KIF18A: variants seen among roughly 807,000 people sequenced by gnomAD.
KIF18A encodes kinesin-like protein KIF18A.
A neutral mutation model predicts 103.3 loss-of-function variants in KIF18A; 67 were observed. The observed-to-expected ratio is 0.65, with a 90% CI of 0.53 to 0.79. The LOEUF is 0.79. Among genes scored for constraint, KIF18A ranks in the 30% least tolerant of loss-of-function variants. The pLI is 0.00. For synonymous variants in KIF18A, 367 were observed against 355.5 expected (o/e 1.03, Z -0.36); for missense variants, 1,032 against 1,062.5 (o/e 0.97, Z 0.40).
chr11:28,026,390 A>G (rs770248885), intron 15 of KIF18A, among the ~76,000 whole-genome samples: 10 of 151,820 alleles, frequency 6.6e-5, no homozygotes, highest in Non-Finnish European at 1.3e-4. Flanking sequence ...TCTGAAGCGC[A>G]TGTAACTTTA....
At chr11:28,083,596 A>T (rs1950927065) in intron 7 of KIF18A, among the ~76,000 whole-genome samples, 1 of 152,066 alleles carries the variant, frequency 6.6e-6, no homozygotes, top group African/African-American at 2.4e-5. Flanking sequence ...ATATTTTAAC[A>T]TTTTTATCAT....
chr11:28,036,006 AC>A (rs1395751607), intron 14 of KIF18A, among the ~76,000 whole-genome samples: 2 of 151,526 alleles, frequency 1.3e-5, no homozygotes, highest in African/African-American at 2.4e-5. Context: ...TAGACTAACG[AC>A]GGTCAACTGA....
At chr11:28,064,199 T>C (rs1458904001) in intron 11 of KIF18A, among the ~76,000 whole-genome samples, 1 of 151,790 alleles carries the variant, frequency 6.6e-6, no homozygotes, top group Non-Finnish European at 1.5e-5. Context: ...TCAAGAAATA[T>C]AGCAAATGTT....
chr11:28,047,056 G>GAAAAAA (rs60204007), intron 13 of KIF18A, among the ~76,000 whole-genome samples: 20 of 70,836 alleles, frequency 2.8e-4, no homozygotes, highest in East Asian at 8.4e-4. Context: ...CTTCGTCTCA[G>GAAAAAA]AAAAAAAAAA....
chr11:28,090,999 A>C (rs1851292852), intron 4 of KIF18A, among the ~76,000 whole-genome samples: 1 of 151,964 alleles, frequency 6.6e-6, no homozygotes, highest in African/African-American at 2.4e-5. Flanking sequence ...AGAAAAGCTC[A>C]CTCATTGGGA....
intron 2 of KIF18A, 133 bp downstream of exon 2, chr11:28,097,490 A>G: frequency 4.3e-6 from 3 of 695,110 alleles, no homozygotes; most frequent in South Asian, 3.3e-5. Context: ...GTTCAAGTCT[A>G]TTGAATTTCT....
intron 1 of KIF18A, among the ~76,000 whole-genome samples, chr11:28,104,115 C>T (rs548193055): frequency 2.2e-4 from 33 of 152,248 alleles, no homozygotes; most frequent in African/African-American, 7.5e-4. Context: ...GTGCTCATCC[C>T]AGATTAAAGA....
At chr11:28,104,513 G>A (rs1288154738) in intron 1 of KIF18A, among the ~76,000 whole-genome samples, 1 of 151,998 alleles carries the variant, frequency 6.6e-6, no homozygotes. Context: ...CATTATTCAG[G>A]TCTCTTCAAA....
At chr11:28,060,989 C>T (rs758630507) in intron 12 of KIF18A, among the ~76,000 whole-genome samples, 1 of 152,160 alleles carries the variant, frequency 6.6e-6, no homozygotes, top group African/African-American at 2.4e-5. Flanking sequence ...AGACTTTGCG[C>T]CCTGTACCTT....
intron 1 of KIF18A, among the ~76,000 whole-genome samples, chr11:28,104,978 T>C (rs867927083): frequency 1.4e-4 from 22 of 152,060 alleles, no homozygotes; most frequent in South Asian, 2.1e-4. Flanking sequence ...TATTCTTTTG[T>C]AATATTTAAA....
rs753466553 is a variant in KIF18A, at chr11:28,082,902, G to T, written c.1216C>A (p.Gln406Lys). ...EQKAFTNENDQAKLMISNPQE... is the reference protein window; with the variant it reads ...EQKAFTNENDKAKLMISNPQE... ...GGGTTTGAAATCATTAACTTTGCTT[G>T]GTCATTTTCATTAGTGAAGGCTTTC... Residue 406 changes from glutamine (Q) to lysine (K), a missense_variant, in exon 9 of 17, where the codon CAA (glutamine) becomes AAA (lysine). By Grantham distance (53) the Gln-to-Lys change is moderately conservative (BLOSUM62 1). Transcript: ENST00000263181. 2 of 1,604,790 alleles carry T rather than the reference G, an allele frequency of 1.2e-6. No homozygotes were observed. The highest frequency in any genetic ancestry group is 1.7e-6 in the Non-Finnish European group (2 of 1,174,700).
At chr11:28,080,700 C>T (rs1179836098) in intron 9 of KIF18A, among the ~76,000 whole-genome samples, 1 of 152,102 alleles carries the variant, frequency 6.6e-6, no homozygotes, top group Non-Finnish European at 1.5e-5. Context: ...ATTAATAACC[C>T]TAAAATGGCC....
Position 28,094,868 on chromosome 11 carries a change from G to C in KIF18A, c.326-68C>G. On this transcript the variant is annotated intron_variant, in intron 2 of 16. Transcript: ENST00000263181. ...ATAACTCTATTATATCTACTATCTA[G>C]TGGATAGTTCCATCTGGATATCCTG... 4 of 1,415,794 alleles carry C rather than the reference G, an allele frequency of 2.8e-6. No individual in the cohort carries two copies. The Admixed American group carries it at 5.1e-5, about 18-fold the overall frequency. The allele number at this position is 1,415,794 out of a possible 1,614,324, so 87.7% of individuals were successfully genotyped here.
intron 15 of KIF18A, among the ~76,000 whole-genome samples, chr11:28,030,500 C>G (rs1468646244): frequency 1.3e-5 from 2 of 152,070 alleles, no homozygotes; most frequent in African/African-American, 4.8e-5. Flanking sequence ...GAAACTGGAT[C>G]CCTTCCTTAC....
Position 28,078,116 on chromosome 11 carries a change from T to TA in KIF18A, c.1263-948dup, listed in dbSNP as rs1165341752. On this transcript the variant is annotated intron_variant, in intron 9 of 16. Transcript: ENST00000263181. ...TAAAGTAAAATCAAGTACATGCATT[T>TA]AAAAAAAATGTTCTAAACTGGCCAG... Among the ~76,000 whole-genome samples the TA allele has an allele frequency of 3.9e-5, 6 of 151,984 alleles. No individual in the cohort carries two copies. The East Asian group carries it at 7.7e-4, about 20-fold the overall frequency.
At chr11:28,074,547 T>C (rs979193440) in intron 10 of KIF18A, among the ~76,000 whole-genome samples, 8 of 152,138 alleles carry the variant, frequency 5.3e-5, no homozygotes, top group African/African-American at 1.4e-4. Context: ...TTACTAATTT[T>C]GATAATATAG....
chr11:28,036,119 T>C lies in KIF18A; in HGVS notation c.2396+98A>G, dbSNP rs1394156404. On this transcript the variant is annotated intron_variant, in intron 14 of 16. Coordinates refer to ENST00000263181, the MANE Select transcript of KIF18A (RefSeq NM_031217.4). ...AATGAAAATAAAACAGACTGTTTTA[T>C]AATCAAAATGGCACACTTGGTTTAT... is the stretch of plus-strand genomic sequence containing the variant. The C allele has an allele frequency of 4.3e-6, 3 of 700,148 alleles. No individual in the cohort carries two copies. The Admixed American group carries it at 9.2e-5, about 21-fold the overall frequency. The allele number at this position is 700,148 out of a possible 1,614,324, so 43.4% of individuals were successfully genotyped here. A position where few individuals can be genotyped will look rare whatever the true frequency, so the allele number is the denominator to read the frequency against.
chr11:28,089,773 T>G (rs1010603426), intron 5 of KIF18A, among the ~76,000 whole-genome samples: 1 of 152,202 alleles, frequency 6.6e-6, no homozygotes, highest in Non-Finnish European at 1.5e-5. Flanking sequence ...GTAAGGATTA[T>G]CTGAACTACA....
chr11:28,035,182 A>T (rs1338030758), intron 15 of KIF18A, among the ~76,000 whole-genome samples: 1 of 151,630 alleles, frequency 6.6e-6, no homozygotes, highest in Non-Finnish European at 1.5e-5. Context: ...GAAATATTTT[A>T]TAAAATATCA....
Sources: gnomAD v4.1 joint callset for allele counts (sites outside exome capture counted in the v4.1 genomes callset) on GRCh38, gnomAD v4.1.1 for gene constraint, MANE v1.5 for transcripts, NCBI Gene and HGNC (gene_info 2026-07-23, HGNC 2026-07-21) for gene names.